Variants in AXDND1 observed in about 807,000 individuals in gnomAD.
AXDND1 encodes axonemal dynein light chain domain-containing protein 1.
AXDND1 carries 110 observed loss-of-function variants against 137.5 expected under a neutral mutation model. The ratio of observed to expected loss-of-function variants is 0.80; its 90% confidence interval spans 0.69 to 0.94. AXDND1 has a LOEUF of 0.94. Ranked by LOEUF, AXDND1 falls within the 40% of genes least tolerant of loss-of-function variation. The pLI, the probability that AXDND1 is intolerant of heterozygous loss-of-function variation, is 0.00. For missense variants in AXDND1, 1,191 were observed against 1,169.8 expected (o/e 1.02, Z -0.26); for synonymous variants, 414 against 399.7 (o/e 1.04, Z -0.43).
At chr1:179,414,434 TA>T (rs998960152) in intron 12 of AXDND1, among the ~76,000 whole-genome samples, 1 of 151,932 alleles carries the variant, frequency 6.6e-6, no homozygotes, top group African/African-American at 2.4e-5. Flanking sequence ...TTTATTTATT[TA>T]TTTTTTTGAG....
At chr1:179,534,326 G>A (rs1218290563) in intron 24 of AXDND1, among the ~76,000 whole-genome samples, 1 of 152,162 alleles carries the variant, frequency 6.6e-6, no homozygotes, top group Non-Finnish European at 1.5e-5. Context: ...CACATCTCAA[G>A]CTGGTTTCTT....
chr1:179,402,646 A>G (rs4652375), intron 11 of AXDND1, among the ~76,000 whole-genome samples: 44,734 of 151,994 alleles, frequency 0.29, 6,805 homozygotes, highest in Non-Finnish European at 0.31. Flanking sequence ...GTATGCAAAT[A>G]TGCTATAATT....
intron 17 of AXDND1, among the ~76,000 whole-genome samples, chr1:179,469,122 G>T (rs1337985761): frequency 6.6e-6 from 1 of 151,992 alleles, no homozygotes; most frequent in Non-Finnish European, 1.5e-5. Flanking sequence ...TAGAGACGGG[G>T]TTTCACCATG....
At chr1:179,518,266 A>G (rs916803158) in intron 21 of AXDND1, among the ~76,000 whole-genome samples, 1 of 152,192 alleles carries the variant, frequency 6.6e-6, no homozygotes, top group Non-Finnish European at 1.5e-5. Context: ...ATTTAAAAAC[A>G]GCTGTATTCA....
At chr1:179,444,700 CTTTTT>C (rs57923612) in intron 15 of AXDND1, among the ~76,000 whole-genome samples, 3 of 146,312 alleles carry the variant, frequency 2.1e-5, no homozygotes, top group Admixed American at 2.0e-4. Flanking sequence ...CTTATCACTA[CTTTTT>C]TTTTTTTTTT....
chr1:179,447,648 T>G, intron 16 of AXDND1: 1 of 1,313,034 alleles, frequency 7.6e-7, no homozygotes, highest in Non-Finnish European at 1.1e-6. Context: ...CTCGAAGATC[T>G]GGTTTTCCAC....
Position 179,483,222 on chromosome 1 carries a change from G to A in AXDND1, c.2091+1G>A, listed in dbSNP as rs542685072. On this transcript the variant is annotated splice_donor_variant, in intron 18 of 25. Coordinates refer to ENST00000367618, the MANE Select transcript of AXDND1 (RefSeq NM_144696.6). LOFTEE classifies it high-confidence loss of function. ...CGGTAACATTGAACTTCAGCACCAC[G>A]TATGTACTTGTAAGGGTTTTTGACG... 8.8e-6 allele frequency: 14 copies of A among 1,585,206 alleles called. No individual in the cohort carries two copies. The highest frequency in any genetic ancestry group is 1.7e-4 in the Middle Eastern group (1 of 5,968).
intron 11 of AXDND1, among the ~76,000 whole-genome samples, chr1:179,408,026 C>T (rs891012756): frequency 7.9e-5 from 12 of 152,098 alleles, no homozygotes; most frequent in African/African-American, 2.7e-4. Context: ...GAAATTCCTT[C>T]TTCTACTTGA....
intron 25 of AXDND1, among the ~76,000 whole-genome samples, chr1:179,553,053 C>T (rs1036734831): frequency 4.6e-5 from 7 of 152,144 alleles, no homozygotes; most frequent in Admixed American, 2.0e-4. Context: ...GGGAATTCAT[C>T]CAAGTTTATA....
At chr1:179,466,416 C>G (rs183669924) in intron 16 of AXDND1, among the ~76,000 whole-genome samples, 1 of 151,270 alleles carries the variant, frequency 6.6e-6, no homozygotes, top group Admixed American at 6.6e-5. Context: ...TGAGCCACTG[C>G]GCTGGGCCTT....
intron 9 of AXDND1, among the ~76,000 whole-genome samples, chr1:179,386,363 T>G (rs1473624226): frequency 6.6e-6 from 1 of 152,210 alleles, no homozygotes; most frequent in Non-Finnish European, 1.5e-5. Context: ...ATTTTTTCTT[T>G]ACCATTGCTT....
chr1:179,408,607 T>A (rs1470810862), intron 11 of AXDND1, among the ~76,000 whole-genome samples: 2 of 152,164 alleles, frequency 1.3e-5, no homozygotes, highest in Admixed American at 6.5e-5. Context: ...CTTGAACTCC[T>A]GACCTTAAGT....
intron 18 of AXDND1, among the ~76,000 whole-genome samples, chr1:179,489,042 C>T (rs1206287302): frequency 6.9e-6 from 1 of 145,178 alleles, no homozygotes; most frequent in Non-Finnish European, 1.5e-5. Flanking sequence ...ACATTTATTT[C>T]TTAATATCAG....
rs1571835430 is a variant in AXDND1, at chr1:179,437,625, G to A, written c.1563+5283G>A. On this transcript the variant is annotated intron_variant, in intron 15 of 25. Transcript: ENST00000367618. ...AAAGAATGTAAGGCCAGGCTGGGCA[G>A]CTCTCATTTTCCAATTGGCGGTCCA... is the stretch of plus-strand genomic sequence containing the variant. Among the ~76,000 whole-genome samples the A allele has an allele frequency of 2.0e-5, 3 of 152,252 alleles. No homozygotes were observed. In the East Asian group the frequency reaches 5.8e-4, roughly 29 times the overall value.
chr1:179,512,255 G>A (rs1328381625), intron 21 of AXDND1, among the ~76,000 whole-genome samples: 2 of 152,152 alleles, frequency 1.3e-5, no homozygotes, highest in East Asian at 1.9e-4. Flanking sequence ...TGAGAGATGA[G>A]GATCCAGTTT....
rs1203453101 is a variant in AXDND1, at chr1:179,368,888, A to G, written c.186A>G (p.Glu62=). The change falls in exon 3 of 26, where the codon GAA becomes GAG. Residue 62 remains glutamate, a synonymous_variant. Transcript: ENST00000367618. ...TTCAGAATGAGTTCATTCCCAAAGA[A>G]GTTCTTCTTTCTCTGACCTATGCGG... ...TSLQNEFIPK[E]VLLSLTYAAN... The G allele has an allele frequency of 1.2e-6, 2 of 1,613,822 alleles. No individual in the cohort carries two copies. The highest frequency in any genetic ancestry group is 2.7e-5 in the African/African-American group (2 of 74,918).
intron 6 of AXDND1, 128 bp downstream of exon 6, chr1:179,379,610 A>G (rs1187545936): frequency 7.9e-5 from 95 of 1,195,996 alleles, no homozygotes; most frequent in Non-Finnish European, 2.5e-5. Flanking sequence ...CCTGGTCAAC[A>G]TGGTGAAAGT....
intron 12 of AXDND1, among the ~76,000 whole-genome samples, chr1:179,423,217 T>C (rs188148758): frequency 1.6e-3 from 242 of 152,248 alleles, no homozygotes; most frequent in Non-Finnish European, 3.0e-3. Flanking sequence ...TTACAGTCTT[T>C]GATTTGTAAC....
intron 21 of AXDND1, among the ~76,000 whole-genome samples, chr1:179,523,806 C>T (rs1278053919): frequency 6.6e-6 from 1 of 152,000 alleles, no homozygotes; most frequent in Non-Finnish European, 1.5e-5. Context: ...TTGGTGCACC[C>T]ATTACCCAAG....
Sources: gnomAD v4.1 joint callset for allele counts (sites outside exome capture counted in the v4.1 genomes callset) on GRCh38, gnomAD v4.1.1 for gene constraint, MANE v1.5 for transcripts, NCBI Gene and HGNC (gene_info 2026-07-23, HGNC 2026-07-21) for gene names.